PCDHA12: variants seen among roughly 807,000 people sequenced by gnomAD.
The protein encoded by PCDHA12 is protocadherin alpha 12.
Under a neutral mutation model 60.0 loss-of-function variants are expected in PCDHA12, and 44 were observed. The observed-to-expected ratio is 0.73, with a 90% CI of 0.58 to 0.94. PCDHA12 has a LOEUF of 0.94. Ranked by LOEUF, PCDHA12 falls within the 40% of genes least tolerant of loss-of-function variation. The probability of loss-of-function intolerance (pLI) is 0.00; values close to 1 mark genes in which losing one functional copy is unlikely to be tolerated. For missense variants in PCDHA12, 1,276 were observed against 1,239.7 expected (o/e 1.03, Z -0.44); for synonymous variants, 569 against 553.0 (o/e 1.03, Z -0.40).
intron 1 of PCDHA12, chr5:140,882,142 G>T: frequency 1.3e-6 from 2 of 1,488,266 alleles, no homozygotes; most frequent in Non-Finnish European, 1.8e-6. Flanking sequence ...AGAAAATATA[G>T]CAGAAAGCGG....
intron 1 of PCDHA12, chr5:140,883,696 G>A (rs142212706): frequency 6.2e-7 from 1 of 1,613,818 alleles, no homozygotes; most frequent in Non-Finnish European, 8.5e-7. Flanking sequence ...ACATCTTCAC[G>A]GTGTCTGCTC....
chr5:140,934,688 A>G (rs1554210048), intron 1 of PCDHA12, among the ~76,000 whole-genome samples: 2 of 152,186 alleles, frequency 1.3e-5, no homozygotes, highest in African/African-American at 4.8e-5. Flanking sequence ...CAAAACAATG[A>G]ATTGATTCCT....
In PCDHA12 at chr5:140,985,229, G is replaced by T. The variant is rs903728570; in HGVS notation, c.2515+2666G>T. ...TGGGATTACAGGCGTGAGCCACCGC[G>T]CCTGGCCTAATCTTCTTACTCTTTT... On this transcript the variant is annotated intron_variant, in intron 3 of 3. Transcript: ENST00000398631. 3.9e-5 allele frequency among the ~76,000 whole-genome samples: 6 copies of T among 152,216 alleles called. No homozygotes were observed. The South Asian group carries it at 6.2e-4, about 16-fold the overall frequency.
intron 1 of PCDHA12, chr5:140,884,247 C>T: frequency 6.2e-7 from 1 of 1,613,398 alleles, no homozygotes. Context: ...CCCGCGCTGA[C>T]GGCCACGGCA....
chr5:140,875,414 C>T lies in PCDHA12; in HGVS notation c.-59C>T. Reference sequence around the variant, plus strand: ...AAAAGGGTGACTGCTCATAAAATACCTCAGGCAAGCGATCCCTTAAAACTG... The same window carrying T: ...AAAAGGGTGACTGCTCATAAAATACTTCAGGCAAGCGATCCCTTAAAACTG... On this transcript the variant is annotated 5_prime_UTR_variant, in exon 1 of 4. Coordinates refer to ENST00000398631, the MANE Select transcript of PCDHA12 (RefSeq NM_018903.4). 6.6e-7 allele frequency: 1 copy of T among 1,508,510 alleles called. No homozygotes were observed. Among genetic ancestry groups the T allele is most frequent in the Non-Finnish European group, 8.8e-7 (1 of 1,131,112 alleles). The allele number at this position is 1,508,510 out of a possible 1,614,324, so 93.4% of individuals were successfully genotyped here.
At chr5:140,947,374 T>C (rs1252253428) in intron 1 of PCDHA12, among the ~76,000 whole-genome samples, 7 of 151,768 alleles carry the variant, frequency 4.6e-5, no homozygotes, top group Admixed American at 4.6e-4. Context: ...TTGATCTATA[T>C]GTTTATCCTT....
chr5:140,995,956 G>A (rs1480673532), intron 3 of PCDHA12, among the ~76,000 whole-genome samples: 1 of 152,214 alleles, frequency 6.6e-6, no homozygotes, highest in African/African-American at 2.4e-5. Flanking sequence ...CACGCAAAAT[G>A]CTTAGAACCA....
intron 3 of PCDHA12, among the ~76,000 whole-genome samples, chr5:141,002,672 C>A (rs1301536253): frequency 6.6e-6 from 1 of 152,292 alleles, no homozygotes; most frequent in African/African-American, 2.4e-5. Context: ...AGGACCAAAA[C>A]CTATACGACG....
rs199847007 is a variant in PCDHA12, at chr5:140,883,896, C to A, written c.2367+6057C>A. ...GTGAGCGCGCGCGACTCTGGCGTGC[C>A]GCCTCTGGGCAGCAACGTGACGCTG... On this transcript the variant is annotated intron_variant, in intron 1 of 3. Transcript: ENST00000398631. The A allele has an allele frequency of 3.1e-6, 5 of 1,613,386 alleles. 1 individual carries two copies. In the South Asian group the frequency reaches 4.4e-5, roughly 14 times the overall value.
At chr5:141,004,168 C>T (rs2098156227) in intron 3 of PCDHA12, among the ~76,000 whole-genome samples, 1 of 152,226 alleles carries the variant, frequency 6.6e-6, no homozygotes, top group Admixed American at 6.5e-5. Context: ...GCAAAGCCAG[C>T]CAAGTGTCTT....
chr5:140,896,391 A>G (rs1438393041), intron 1 of PCDHA12, among the ~76,000 whole-genome samples: 2 of 152,040 alleles, frequency 1.3e-5, no homozygotes, highest in Non-Finnish European at 2.9e-5. Context: ...CCTCACCAGC[A>G]TCTGTTATTT....
At chr5:140,884,143 G>T in intron 1 of PCDHA12, 1 of 1,613,438 alleles carries the variant, frequency 6.2e-7, no homozygotes. Flanking sequence ...TCCGCGTGGG[G>T]CTGTACACTG....
At chr5:140,883,626 C>A (rs782798960) in intron 1 of PCDHA12, 2 of 1,613,968 alleles carry the variant, frequency 1.2e-6, no homozygotes, top group Non-Finnish European at 1.7e-6. Flanking sequence ...GACAACGCGC[C>A]GGCGTTCGCG....
At chr5:140,887,431 A>C (rs2061444829) in intron 1 of PCDHA12, among the ~76,000 whole-genome samples, 1 of 152,112 alleles carries the variant, frequency 6.6e-6, no homozygotes, top group African/African-American at 2.4e-5. Context: ...AAGTATTTTC[A>C]CTGGGCATAG....
In PCDHA12 at chr5:140,877,662, C is replaced by A. The variant is rs1176424464; in HGVS notation, c.2190C>A (p.Ser730Arg). 3 of 1,613,440 alleles carry A rather than the reference C, an allele frequency of 1.9e-6. No individual in the cohort carries two copies. The highest frequency in any genetic ancestry group is 2.2e-5 in the East Asian group (1 of 44,870). The change falls in exon 1 of 4, where the codon AGC becomes AGA. Residue 730 changes from serine to arginine, a missense_variant. Transcript: ENST00000398631. ...GTTGCTCAGCGCCGCCCACCGTGAGCCGGTGCGCGCCGGGCAAGCCCACGC... is the reference window on the plus strand; with the variant it reads ...GTTGCTCAGCGCCGCCCACCGTGAGACGGTGCGCGCCGGGCAAGCCCACGC... ...ALRCSAPPTV[S>R]RCAPGKPTLV...
chr5:140,917,106 TC>T (rs1554197830), intron 1 of PCDHA12, among the ~76,000 whole-genome samples: 1 of 152,094 alleles, frequency 6.6e-6, no homozygotes, highest in African/African-American at 2.4e-5. Context: ...GTGCTTTACT[TC>T]CTCCAAGTGC....
intron 1 of PCDHA12, chr5:140,882,238 G>T: frequency 6.3e-7 from 1 of 1,583,494 alleles, no homozygotes; most frequent in Non-Finnish European, 8.6e-7. Context: ...TGTATATATT[G>T]CAGATAGCTC....
chr5:140,984,599 C>T (rs1415361733), intron 3 of PCDHA12, among the ~76,000 whole-genome samples: 1 of 152,162 alleles, frequency 6.6e-6, no homozygotes, highest in Non-Finnish European at 1.5e-5. Context: ...TCAATACATA[C>T]CTCTGCATCA....
At chr5:140,879,237 G>C (rs999977997) in intron 1 of PCDHA12, among the ~76,000 whole-genome samples, 14 of 152,134 alleles carry the variant, frequency 9.2e-5, no homozygotes, top group African/African-American at 3.4e-4. Context: ...TATACAAGAG[G>C]CACTGGCAAA....
Sources: allele counts gnomAD v4.1 joint callset (sites outside exome capture counted in the v4.1 genomes callset), GRCh38; gene constraint gnomAD v4.1.1; transcripts MANE v1.5; gene names NCBI Gene and HGNC (gene_info 2026-07-23, HGNC 2026-07-21).